The following CLSTN2 variants were observed in gnomAD, a reference collection of about 807,000 sequenced individuals.
The protein encoded by CLSTN2 is calsyntenin 2.
In CLSTN2, 48 loss-of-function variants were observed where a neutral mutation model predicts 101.2. The ratio of observed to expected loss-of-function variants is 0.47; its 90% CI spans 0.38 to 0.60. The LOEUF is 0.60. Among genes scored for constraint, CLSTN2 ranks in the 20% least tolerant of loss-of-function variants. CLSTN2 has a pLI of 0.00. For synonymous variants in CLSTN2, 481 were observed against 463.6 expected, an observed-to-expected ratio of 1.04 and a Z score of -0.48; for missense variants, 1,160 against 1,238.2, an observed-to-expected ratio of 0.94 and a Z score of 0.95.
intron 2 of CLSTN2, among the ~76,000 whole-genome samples, chr3:140,202,380 G>A (rs1559805225): frequency 6.6e-6 from 1 of 152,194 alleles, no homozygotes; most frequent in Non-Finnish European, 1.5e-5. Context: ...ATTTCCTGAT[G>A]TGTTCTATCT....
chr3:140,273,000 T>C (rs2086756996), intron 2 of CLSTN2, among the ~76,000 whole-genome samples: 1 of 152,120 alleles, frequency 6.6e-6, no homozygotes, highest in Admixed American at 6.5e-5. Context: ...TCAGTGATCA[T>C]TTGATATATT....
At chr3:140,422,975 C>T (rs181043864) in intron 5 of CLSTN2, among the ~76,000 whole-genome samples, 103 of 152,268 alleles carry the variant, frequency 6.8e-4, no homozygotes, top group East Asian at 1.2e-3. Context: ...CTCCAATGAA[C>T]GTGTGGCCTT....
rs372669260 is a variant in CLSTN2, at chr3:140,024,352, C to T, written c.109+88869C>T. Among the ~76,000 whole-genome samples the T allele has an allele frequency of 1.7e-3, 256 of 152,328 alleles. 1 individual carries two copies. Among genetic ancestry groups the T allele is most frequent in the African/African-American group, 5.7e-3 (237 of 41,584 alleles). The stretch of plus-strand genomic sequence containing the variant: ...TGTATCTGTTCCTCACACATGTGGG[C>T]GGCCTGGGAAGTGTGCTGCCTTCCC... On this transcript the variant is annotated intron_variant, in intron 1 of 16. Transcript: ENST00000458420.
chr3:140,497,793 GT>G (rs1172628609), intron 8 of CLSTN2, among the ~76,000 whole-genome samples: 1 of 152,152 alleles, frequency 6.6e-6, no homozygotes, highest in Admixed American at 6.5e-5. Context: ...ACACAGTTCT[GT>G]GTATCAGACC....
At chr3:140,502,721 A>G (rs2107763130) in intron 8 of CLSTN2, among the ~76,000 whole-genome samples, 1 of 152,274 alleles carries the variant, frequency 6.6e-6, no homozygotes, top group Admixed American at 6.5e-5. Context: ...TGGAAGAAGG[A>G]GATGAGACAG....
intron 1 of CLSTN2, among the ~76,000 whole-genome samples, chr3:140,065,470 TCTTG>T (rs377313365): frequency 2.6e-4 from 39 of 152,364 alleles, no homozygotes; most frequent in Admixed American, 9.1e-4. Context: ...ACTATCCTTA[TCTTG>T]GTCAGGAAGT....
intron 2 of CLSTN2, among the ~76,000 whole-genome samples, chr3:140,264,418 ATATATATAT>A: frequency 3.2e-5 from 4 of 125,558 alleles, no homozygotes; most frequent in South Asian, 2.6e-4. Context: ...ATATATATAT[ATATATATAT>A]AAAATTAGGC....
intron 1 of CLSTN2, among the ~76,000 whole-genome samples, chr3:140,067,861 C>T (rs1466423635): frequency 1.3e-5 from 2 of 151,998 alleles, no homozygotes; most frequent in Non-Finnish European, 2.9e-5. Flanking sequence ...CTAAAAAGGA[C>T]TAAAAAAAAG....
chr3:140,263,875 C>G (rs572213826), intron 2 of CLSTN2, among the ~76,000 whole-genome samples: 2 of 152,252 alleles, frequency 1.3e-5, no homozygotes, highest in South Asian at 4.2e-4. Flanking sequence ...CTGAAGTCCT[C>G]CAGGCATTTG....
chr3:140,269,489 AAAG>A (rs1293748175), intron 2 of CLSTN2, among the ~76,000 whole-genome samples: 2 of 152,198 alleles, frequency 1.3e-5, no homozygotes, highest in Non-Finnish European at 2.9e-5. Context: ...GTTTGTAATC[AAAG>A]AAGATTAGAC....
In CLSTN2 at chr3:140,273,354, T is replaced by C. The variant is rs181695936; in HGVS notation, c.232+97281T>C. 1.7e-4 allele frequency among the ~76,000 whole-genome samples: 26 copies of C among 152,218 alleles called. No homozygotes were observed. The East Asian group carries it at 4.8e-3, about 28-fold the overall frequency. Reference sequence around the variant, plus strand: ...ATAACAAACTTGCACACTCTGCACATGTATCTGGAACTTAAAGTAAAATAA... The same window carrying C: ...ATAACAAACTTGCACACTCTGCACACGTATCTGGAACTTAAAGTAAAATAA... On this transcript the variant is annotated intron_variant, in intron 2 of 16. Coordinates refer to ENST00000458420, the MANE Select transcript of CLSTN2 (RefSeq NM_022131.3).
At chr3:140,267,527 A>G (rs759838330) in intron 2 of CLSTN2, among the ~76,000 whole-genome samples, 1 of 152,210 alleles carries the variant, frequency 6.6e-6, no homozygotes, top group African/African-American at 2.4e-5. Flanking sequence ...AGAGAGAGAT[A>G]CAGGCAATAG....
At chr3:140,297,145 G>C (rs981235705) in intron 2 of CLSTN2, among the ~76,000 whole-genome samples, 1 of 152,198 alleles carries the variant, frequency 6.6e-6, no homozygotes, top group Non-Finnish European at 1.5e-5. Context: ...GAAACATCTG[G>C]ACTCAATTTG....
intron 1 of CLSTN2, among the ~76,000 whole-genome samples, chr3:140,119,862 A>G (rs544465623): frequency 1.3e-5 from 2 of 152,238 alleles, no homozygotes; most frequent in Admixed American, 1.3e-4. Context: ...CTTGCAGTTG[A>G]GTTGGAGTCT....
At chr3:140,211,059 A>C (rs1447351086) in intron 2 of CLSTN2, among the ~76,000 whole-genome samples, 1 of 152,022 alleles carries the variant, frequency 6.6e-6, no homozygotes, top group East Asian at 1.9e-4. Flanking sequence ...TGGTGGGAGA[A>C]GGTGTCTCAT....
At chr3:140,361,736 C>A (rs1008470424) in intron 2 of CLSTN2, among the ~76,000 whole-genome samples, 33 of 151,810 alleles carry the variant, frequency 2.2e-4, no homozygotes, top group African/African-American at 7.5e-4. Flanking sequence ...AAAATAGCAT[C>A]AAAAATGATA....
chr3:140,056,448 C>T (rs1034960093), intron 1 of CLSTN2, among the ~76,000 whole-genome samples: 1 of 152,204 alleles, frequency 6.6e-6, no homozygotes, highest in African/African-American at 2.4e-5. Flanking sequence ...ATGGCCTTGT[C>T]TGTTTCTGGC....
chr3:140,547,410 G>A (rs747831518), intron 10 of CLSTN2, among the ~76,000 whole-genome samples: 1 of 152,054 alleles, frequency 6.6e-6, no homozygotes. Flanking sequence ...GGAGGCGGAG[G>A]TTGCAGTGAG....
At chr3:140,053,310 G>T (rs957446837) in intron 1 of CLSTN2, among the ~76,000 whole-genome samples, 1 of 152,166 alleles carries the variant, frequency 6.6e-6, no homozygotes, top group Admixed American at 6.5e-5. Context: ...TGATGTAATT[G>T]AATTTGTATA....
Sources: allele counts gnomAD v4.1 joint callset (sites outside exome capture counted in the v4.1 genomes callset), GRCh38; gene constraint gnomAD v4.1.1; transcripts MANE v1.5; gene names NCBI Gene and HGNC (gene_info 2026-07-23, HGNC 2026-07-21).